Variants in CSMD3 observed in about 807,000 individuals in gnomAD.
CSMD3 encodes CUB and Sushi multiple domains 3.
Under a neutral mutation model 435.2 loss-of-function variants are expected in CSMD3, and 177 were observed. The ratio of observed to expected loss-of-function variants is 0.41; its 90% CI spans 0.36 to 0.46. The LOEUF is 0.46. Ranked by LOEUF, CSMD3 falls within the 20% of genes least tolerant of loss-of-function variation. The pLI, the probability that CSMD3 is intolerant of heterozygous loss-of-function variation, is 0.34. For synonymous variants in CSMD3, 1,656 were observed against 1,520.5 expected (o/e 1.09, Z -2.07); for missense variants, 4,265 against 4,504.6 (o/e 0.95, Z 1.52).
chr8:112,843,031 A>C (rs1383470734), intron 11 of CSMD3, among the ~76,000 whole-genome samples: 1 of 151,864 alleles, frequency 6.6e-6, no homozygotes, highest in Non-Finnish European at 1.5e-5. Flanking sequence ...AGTTGCTAAA[A>C]TATTAGTTTA....
rs748143703 is a variant in CSMD3, at chr8:112,829,750, C to T, written c.1795G>A (p.Gly599Ser). 1.2e-6 allele frequency: 2 copies of T among 1,612,994 alleles called. No individual in the cohort carries two copies. Among genetic ancestry groups the T allele is most frequent in the South Asian group, 2.2e-5 (2 of 91,052 alleles). ...TCGCCAATTGTCAAGGTATCATAGC[C>T]AATCTCCAGATCAAATTCTTCAAAA... ...INFEEFDLEI[G>S]YDTLTIGDGG... The change falls in exon 12 of 71, where the codon GGC (glycine) becomes AGC (serine). Residue 599 changes from glycine to serine, a missense_variant. By Grantham distance (56) the Gly-to-Ser change is moderately conservative (BLOSUM62 0). Coordinates refer to ENST00000297405, the MANE Select transcript of CSMD3 (RefSeq NM_198123.2).
chr8:112,316,906 A>G (rs1243426190), intron 47 of CSMD3, among the ~76,000 whole-genome samples: 5 of 151,988 alleles, frequency 3.3e-5, no homozygotes, highest in African/African-American at 1.2e-4. Flanking sequence ...AAATGATACT[A>G]CTACTTTTTT....
intron 5 of CSMD3, among the ~76,000 whole-genome samples, chr8:113,019,557 T>G (rs1250275198): frequency 6.7e-6 from 1 of 148,914 alleles, no homozygotes; most frequent in East Asian, 1.9e-4. Flanking sequence ...TCTTATTTAT[T>G]ATTTATTATA....
In CSMD3 at chr8:113,016,861, A is replaced by C. The variant is rs1179525243; in HGVS notation, c.1030+2206T>G. On this transcript the variant is annotated intron_variant, in intron 6 of 70. Transcript: ENST00000297405. ...AGCCATTTAAGTTATCTTAGTACACATATATTTTTTAATTTAAATTTCTTC... is the reference window on the plus strand; with the variant it reads ...AGCCATTTAAGTTATCTTAGTACACCTATATTTTTTAATTTAAATTTCTTC... 2.6e-5 allele frequency among the ~76,000 whole-genome samples: 4 copies of C among 151,910 alleles called. No individual in the cohort carries two copies. The East Asian group carries it at 7.7e-4, about 29-fold the overall frequency.
At chr8:112,391,085 T>C (rs950118728) in intron 35 of CSMD3, among the ~76,000 whole-genome samples, 6 of 152,204 alleles carry the variant, frequency 3.9e-5, no homozygotes, top group African/African-American at 1.4e-4. Flanking sequence ...TGACTAAATT[T>C]GCCTTAAAAA....
At chr8:112,517,404 T>C (rs1308773684) in intron 27 of CSMD3, among the ~76,000 whole-genome samples, 179 bp from the exon 28 acceptor site, 2 of 152,178 alleles carry the variant, frequency 1.3e-5, no homozygotes, top group Non-Finnish European at 2.9e-5. Context: ...AAAAGTGGCA[T>C]AGTATTTTAG....
At chr8:112,972,938 C>A (rs1167742019) in intron 7 of CSMD3, among the ~76,000 whole-genome samples, 1 of 151,982 alleles carries the variant, frequency 6.6e-6, no homozygotes, top group East Asian at 1.9e-4. Context: ...TAAGCTAAAT[C>A]TTGGAAATTA....
chr8:112,397,054 T>C (rs1270876319), intron 35 of CSMD3, among the ~76,000 whole-genome samples: 1 of 152,220 alleles, frequency 6.6e-6, no homozygotes, highest in African/African-American at 2.4e-5. Flanking sequence ...GATAGCTCTG[T>C]ACTTGACTCT....
intron 13 of CSMD3, among the ~76,000 whole-genome samples, chr8:112,766,824 A>G (rs1272430394): frequency 6.6e-6 from 1 of 151,842 alleles, no homozygotes; most frequent in Admixed American, 6.6e-5. Flanking sequence ...TTGGCACAGC[A>G]AACTGTGATC....
At chr8:113,266,269 C>T (rs1401470320) in intron 3 of CSMD3, among the ~76,000 whole-genome samples, 1 of 149,690 alleles carries the variant, frequency 6.7e-6, no homozygotes, top group Non-Finnish European at 1.5e-5. Context: ...AATAGAATGG[C>T]AAATAGTAAA....
At chr8:113,001,480 G>A (rs2085862195) in intron 6 of CSMD3, among the ~76,000 whole-genome samples, 2 of 151,980 alleles carry the variant, frequency 1.3e-5, no homozygotes, top group Admixed American at 6.6e-5. Flanking sequence ...ATCTTCTCAT[G>A]CCAAACTTAT....
intron 40 of CSMD3, among the ~76,000 whole-genome samples, chr8:112,348,165 G>A (rs1288363833): frequency 6.6e-6 from 1 of 152,208 alleles, no homozygotes; most frequent in Non-Finnish European, 1.5e-5. Flanking sequence ...ATTTGTTCAT[G>A]TCTATTTCCT....
chr8:112,380,528 T>C, intron 37 of CSMD3, 72 bp from the exon 38 acceptor site: 3 of 830,272 alleles, frequency 3.6e-6, no homozygotes, highest in South Asian at 1.4e-5. Flanking sequence ...GTAAGTTTAC[T>C]AATCAGCCAA....
At chr8:112,245,573 C>T (rs917396962) in intron 64 of CSMD3, among the ~76,000 whole-genome samples, 2 of 151,968 alleles carry the variant, frequency 1.3e-5, no homozygotes, top group Admixed American at 6.6e-5. Context: ...AGTTTCACTC[C>T]GCTGCCCAGG....
chr8:112,813,385 T>C (rs1051223065), intron 12 of CSMD3, among the ~76,000 whole-genome samples: 1 of 152,124 alleles, frequency 6.6e-6, no homozygotes, highest in African/African-American at 2.4e-5. Flanking sequence ...AATTGCAACT[T>C]AGGTTTTATC....
At chr8:113,060,706 G>C (rs1374940650) in intron 5 of CSMD3, among the ~76,000 whole-genome samples, 2 of 151,926 alleles carry the variant, frequency 1.3e-5, no homozygotes, top group Non-Finnish European at 2.9e-5. Flanking sequence ...CTTTAAAAAA[G>C]GTAGCCAAAA....
chr8:113,312,379 G>C (rs778888304), intron 2 of CSMD3: 4 of 152,044 alleles, frequency 2.6e-5, no homozygotes, highest in Non-Finnish European at 5.9e-5. Flanking sequence ...TTAAGGGTTA[G>C]AGTCACTGAG....
chr8:112,832,102 G>T (rs1387981778), intron 11 of CSMD3, among the ~76,000 whole-genome samples: 7 of 151,988 alleles, frequency 4.6e-5, no homozygotes, highest in Admixed American at 2.0e-4. Context: ...TCCTACTCTG[G>T]TAAAAATTAT....
At chr8:112,409,059 A>G (rs1266496391) in intron 32 of CSMD3, 27 bp from the exon 33 acceptor site, 1 of 1,613,116 alleles carries the variant, frequency 6.2e-7, no homozygotes. Flanking sequence ...CGGAGAAGCA[A>G]ACAAATCACC....
Sources: gnomAD v4.1 joint callset for allele counts (sites outside exome capture counted in the v4.1 genomes callset) on GRCh38, gnomAD v4.1.1 for gene constraint, MANE v1.5 for transcripts, NCBI Gene and HGNC (gene_info 2026-07-23, HGNC 2026-07-21) for gene names.